The following CDH8 variants were observed in gnomAD, a reference collection of about 807,000 sequenced individuals.
CDH8 encodes cadherin 8.
In CDH8, 17 loss-of-function variants were observed where a neutral mutation model predicts 68.1. That is an observed-to-expected ratio of 0.25 (90% CI 0.17 to 0.37). CDH8 has a LOEUF of 0.37. Among genes scored for constraint, CDH8 ranks in the 10% least tolerant of loss-of-function variants. The pLI, the probability that CDH8 is intolerant of heterozygous loss-of-function variation, is 1.00. For synonymous variants in CDH8, 372 were observed against 365.1 expected, an observed-to-expected ratio of 1.02 and a Z score of -0.21; for missense variants, 763 against 999.3, an observed-to-expected ratio of 0.76 and a Z score of 3.19.
intron 8 of CDH8, among the ~76,000 whole-genome samples, chr16:61,749,815 C>T (rs1960112866): frequency 6.6e-6 from 1 of 152,024 alleles, no homozygotes; most frequent in African/African-American, 2.4e-5. Context: ...TTCTCCTTAG[C>T]CATGATTCCA....
intron 3 of CDH8, among the ~76,000 whole-genome samples, chr16:61,861,626 T>C (rs566949192): frequency 2.6e-5 from 4 of 152,332 alleles, no homozygotes; most frequent in East Asian, 3.9e-4. Flanking sequence ...TGTAATCACA[T>C]GAAGTATAGA....
Position 61,997,057 on chromosome 16 carries a change from G to A in CDH8, c.252+24095C>T, listed in dbSNP as rs183966718. On this transcript the variant is annotated intron_variant, in intron 2 of 11. Coordinates refer to ENST00000577390, the MANE Select transcript of CDH8 (RefSeq NM_001796.5). ...TTTAAGTATAATCCTTTTCTGAGGA[G>A]TGTTTTTTTAAAAAAGAATAATTCT... Among the ~76,000 whole-genome samples the A allele has an allele frequency of 7.9e-5, 12 of 152,086 alleles. No homozygotes were observed. In the East Asian group the frequency reaches 2.3e-3, roughly 29 times the overall value.
intron 7 of CDH8, among the ~76,000 whole-genome samples, chr16:61,799,707 T>C (rs1166130562): frequency 6.6e-6 from 1 of 152,174 alleles, no homozygotes; most frequent in Non-Finnish European, 1.5e-5. Flanking sequence ...GAAAAAAACA[T>C]ATTTGAGGAA....
rs752339349 is a variant in CDH8, at chr16:61,727,079, C to T, written c.1536+15G>A. 3.0e-5 allele frequency: 48 copies of T among 1,610,178 alleles called. No individual in the cohort carries two copies. The highest frequency in any genetic ancestry group is 3.9e-5 in the Non-Finnish European group (46 of 1,177,428). On this transcript the variant is annotated intron_variant, in intron 9 of 11. Coordinates refer to ENST00000577390, the MANE Select transcript of CDH8 (RefSeq NM_001796.5). ...ATACAAACATATTCAGCATTAACAA[C>T]ATGGAGATATTTACTTGGCCGGGTT...
intron 2 of CDH8, among the ~76,000 whole-genome samples, chr16:61,982,079 GTGT>G (rs1409935477): frequency 1.5e-4 from 23 of 152,256 alleles, no homozygotes; most frequent in African/African-American, 5.5e-4. Flanking sequence ...TGCGTCATAT[GTGT>G]TGAATAAATA....
rs1324963676 is a variant in CDH8 at position 61,715,828 on chromosome 16, C to A, written c.1537-1870G>T. On this transcript the variant is annotated intron_variant, in intron 9 of 11. Coordinates refer to ENST00000577390, the MANE Select transcript of CDH8 (RefSeq NM_001796.5). Reference sequence around the variant, plus strand: ...AACATGGATAACTCCTTTGGACAGCCTGCAAGTAAAAATATTTAACAGAAA... The same window carrying A: ...AACATGGATAACTCCTTTGGACAGCATGCAAGTAAAAATATTTAACAGAAA... 2.6e-5 allele frequency among the ~76,000 whole-genome samples: 4 copies of A among 151,590 alleles called. No homozygotes were observed. The East Asian group carries it at 7.8e-4, about 29-fold the overall frequency.
At position 61,746,556 on chromosome 16, in the gene CDH8, A is replaced by AACACACACACAC. The variant is rs71675273; in HGVS notation, c.1415-19353_1415-19342dup. On this transcript the variant is annotated intron_variant, in intron 8 of 11. Coordinates refer to ENST00000577390, the MANE Select transcript of CDH8 (RefSeq NM_001796.5). ...TAAAGAAAACACTTGATTCCCCCCC[A>AACACACACACAC]ACACACACACACACACACACACACA... Among the ~76,000 whole-genome samples, 421 of 140,190 alleles carry AACACACACACAC rather than the reference A, an allele frequency of 3.0e-3. 2 individuals carry two copies. The highest frequency in any genetic ancestry group is 9.5e-3 in the African/African-American group (359 of 37,884). 92.0% of individuals were successfully genotyped at this position (140,190 alleles called of 152,430 possible).
At chr16:61,986,238 C>A (rs2150585974) in intron 2 of CDH8, among the ~76,000 whole-genome samples, 1 of 152,042 alleles carries the variant, frequency 6.6e-6, no homozygotes, top group Middle Eastern at 3.4e-3. Flanking sequence ...ATCTGTATTC[C>A]TTAATATGAC....
intron 8 of CDH8, among the ~76,000 whole-genome samples, chr16:61,734,503 C>T (rs1185991152): frequency 6.6e-6 from 1 of 152,088 alleles, no homozygotes; most frequent in Non-Finnish European, 1.5e-5. Flanking sequence ...TCCATACTGG[C>T]CATGCCTGTG....
chr16:61,951,855 A>C (rs1297012548), intron 2 of CDH8, among the ~76,000 whole-genome samples: 2 of 152,152 alleles, frequency 1.3e-5, no homozygotes, highest in East Asian at 3.9e-4. Flanking sequence ...GGTATCCCTC[A>C]CCAAGAGGAA....
At chr16:61,945,420 G>C (rs951981201) in intron 2 of CDH8, among the ~76,000 whole-genome samples, 2 of 134,222 alleles carry the variant, frequency 1.5e-5, no homozygotes, top group African/African-American at 5.8e-5. Context: ...ATTTCGTTTT[G>C]TGCCTAGATG....
chr16:61,651,768 G>A lies in CDH8; in HGVS notation c.*1840C>T, dbSNP rs549244527. The A allele has an allele frequency of 3.9e-5, 6 of 152,314 alleles. No individual in the cohort carries two copies. Among genetic ancestry groups the A allele is most frequent in the South Asian group, 4.2e-4 (2 of 4,818 alleles). The allele number at this position is 152,314 out of a possible 1,614,324, so 9.4% of individuals were successfully genotyped here. A position where few individuals can be genotyped will look rare whatever the true frequency, so the allele number is the denominator to read the frequency against. ...TGCCCAATGCGTCTGCTTCCAGAAGGACCCAAATGACACAGCTGGACTAGC... is the reference window on the plus strand; with the variant it reads ...TGCCCAATGCGTCTGCTTCCAGAAGAACCCAAATGACACAGCTGGACTAGC... On this transcript the variant is annotated 3_prime_UTR_variant, in exon 12 of 12. Coordinates refer to ENST00000577390, the MANE Select transcript of CDH8 (RefSeq NM_001796.5).
chr16:61,749,449 G>A (rs1027370361), intron 8 of CDH8, among the ~76,000 whole-genome samples: 40 of 152,104 alleles, frequency 2.6e-4, no homozygotes, highest in African/African-American at 9.4e-4. Flanking sequence ...TTATCTGACT[G>A]GTAAGCAAAT....
In CDH8 at chr16:61,840,045, G is replaced by T. The variant is rs534134638; in HGVS notation, c.668-14866C>A. ...CCCTCTTTTCTATAAAGGTATTCCT[G>T]CTCCAATCTTCCCACACTAAAATAC... On this transcript the variant is annotated intron_variant, in intron 4 of 11. Transcript: ENST00000577390. Among the ~76,000 whole-genome samples the T allele has an allele frequency of 3.9e-5, 6 of 152,138 alleles. No individual in the cohort carries two copies. In the South Asian group the frequency reaches 1.2e-3, roughly 32 times the overall value.
At chr16:61,871,387 C>A (rs1963359426) in intron 3 of CDH8, among the ~76,000 whole-genome samples, 1 of 150,892 alleles carries the variant, frequency 6.6e-6, no homozygotes, top group South Asian at 2.1e-4. Flanking sequence ...TGGTCTTGAA[C>A]TCCTAGACTC....
At chr16:61,739,462 G>T (rs1172612197) in intron 8 of CDH8, among the ~76,000 whole-genome samples, 1 of 151,826 alleles carries the variant, frequency 6.6e-6, no homozygotes, top group Non-Finnish European at 1.5e-5. Context: ...AAGTTTGTCA[G>T]ATCAAAATGA....
intron 4 of CDH8, among the ~76,000 whole-genome samples, chr16:61,829,773 C>A (rs1393819009): frequency 6.6e-6 from 1 of 151,780 alleles, no homozygotes; most frequent in Non-Finnish European, 1.5e-5. Context: ...TCAATTCAAA[C>A]TGAATAATGA....
chr16:61,790,125 T>G (rs1052905790), intron 7 of CDH8, among the ~76,000 whole-genome samples: 1 of 151,994 alleles, frequency 6.6e-6, no homozygotes, highest in Non-Finnish European at 1.5e-5. Context: ...GAATCGATAT[T>G]TTAACATATT....
intron 2 of CDH8, among the ~76,000 whole-genome samples, chr16:62,009,829 G>A (rs1055224453): frequency 2.0e-5 from 3 of 152,164 alleles, no homozygotes; most frequent in Non-Finnish European, 4.4e-5. Context: ...TATATTTAAA[G>A]CATGTAGCAA....
Sources: allele counts gnomAD v4.1 joint callset (sites outside exome capture counted in the v4.1 genomes callset), GRCh38; gene constraint gnomAD v4.1.1; transcripts MANE v1.5; gene names NCBI Gene and HGNC (gene_info 2026-07-23, HGNC 2026-07-21).